Variants in KRABD4 observed in about 807,000 individuals in gnomAD.
KRABD4 encodes the protein KRAB domain-containing protein 4.
the KRABD4 span, chrX:46,463,128 C>T: frequency 9.1e-7 from 1 of 1,095,450 alleles, no homozygotes; most frequent in Non-Finnish European, 1.3e-6. Flanking sequence ...CTTCAGCCTG[C>T]AGGGGTGGGC....
chrX:46,472,736 T>C, the KRABD4 span: 1 of 1,202,718 alleles, frequency 8.3e-7, no homozygotes, highest in Non-Finnish European at 1.1e-6. Flanking sequence ...GATGATTCAT[T>C]CATTTTCTTC....
the KRABD4 span, among the ~76,000 whole-genome samples, chrX:46,462,024 A>G: frequency 2.6e-4 from 29 of 111,872 alleles, no homozygotes; most frequent in African/African-American, 9.1e-4. Context: ...TTTTGTATCA[A>G]TCTTTACTTC....
the KRABD4 span, chrX:46,455,297 A>G: frequency 1.4e-6 from 1 of 706,855 alleles, no homozygotes; most frequent in Non-Finnish European, 2.2e-6. Context: ...TGAGACAAGT[A>G]ATAAAAATCA....
At chrX:46,464,468 G>C in the KRABD4 span, among the ~76,000 whole-genome samples, 1 of 112,147 alleles carries the variant, frequency 8.9e-6, no homozygotes, top group Non-Finnish European at 1.9e-5. Context: ...CTGTAGTCAG[G>C]TGCTGGCCCC....
the KRABD4 span, chrX:46,472,436 G>A: frequency 4.2e-6 from 1 of 236,855 alleles, no homozygotes. Flanking sequence ...TCCCCCAACT[G>A]CAAAGCCACA....
chrX:46,472,933 A>G, the KRABD4 span: 4 of 1,211,789 alleles, frequency 3.3e-6, no homozygotes, highest in Non-Finnish European at 4.5e-6. Flanking sequence ...CTCCCTAAAT[A>G]TTATTCGTGG....
chrX:46,463,501 A>G, the KRABD4 span: 1 of 484,127 alleles, frequency 2.1e-6, no homozygotes, highest in Non-Finnish European at 3.7e-6. Context: ...TTTGGCATTC[A>G]CATAGATTGT....
At chrX:46,450,559 A>G in the KRABD4 span, 19 of 859,344 alleles carry the variant, frequency 2.2e-5, no homozygotes, top group Admixed American at 4.6e-5. Flanking sequence ...GAAAATACCA[A>G]TTATCCCCTC....
chrX:46,457,625 T>TTTG, the KRABD4 span, among the ~76,000 whole-genome samples: 2 of 102,144 alleles, frequency 2.0e-5, no homozygotes, highest in African/African-American at 7.3e-5. Context: ...CTTTCAGAGT[T>TTTG]TTTTTTTTTT....
the KRABD4 span, among the ~76,000 whole-genome samples, chrX:46,457,623 G>A: frequency 1.3e-5 from 1 of 75,294 alleles, no homozygotes; most frequent in South Asian, 6.7e-4. Flanking sequence ...GCCTTTCAGA[G>A]TTTTTTTTTT....
the KRABD4 span, among the ~76,000 whole-genome samples, chrX:46,458,903 ATAGT>A: frequency 8.9e-6 from 1 of 111,818 alleles, no homozygotes; most frequent in Non-Finnish European, 1.9e-5. Context: ...GGACTATAGA[ATAGT>A]TAAATAAATT....
At chrX:46,451,595 A>G in the KRABD4 span, among the ~76,000 whole-genome samples, 1 of 111,548 alleles carries the variant, frequency 9.0e-6, no homozygotes, top group Non-Finnish European at 1.9e-5. Flanking sequence ...TATACCTGGA[A>G]GTCGGGTTTT....
chrX:46,453,945 A>G, the KRABD4 span, among the ~76,000 whole-genome samples: 3 of 112,313 alleles, frequency 2.7e-5, no homozygotes, highest in Admixed American at 2.8e-4. Context: ...GGGAACTACT[A>G]ATTTCAGATC....
chrX:46,472,860 G>T, the KRABD4 span: 8 of 1,210,096 alleles, frequency 6.6e-6, no homozygotes, highest in African/African-American at 1.7e-5. Context: ...AAGCGGTCAA[G>T]AATCCAGAAC....
the KRABD4 span, among the ~76,000 whole-genome samples, chrX:46,457,953 T>C: frequency 9.0e-6 from 1 of 110,815 alleles, no homozygotes; most frequent in Admixed American, 9.7e-5. Flanking sequence ...TGTTGGCCAG[T>C]CTGGTGTCAA....
the KRABD4 span, chrX:46,456,845 A>G: frequency 4.1e-5 from 18 of 441,206 alleles, 1 homozygote; most frequent in African/African-American, 4.7e-4. Context: ...GCAGGATGGT[A>G]TGTAATGAGT....
At chrX:46,462,889 C>T in the KRABD4 span, 1 of 1,211,475 alleles carries the variant, frequency 8.3e-7, no homozygotes, top group East Asian at 3.0e-5. Context: ...GGGACCGTGC[C>T]ACAGGGTGAT....
At chrX:46,471,146 A>G in the KRABD4 span, 2 of 1,163,732 alleles carry the variant, frequency 1.7e-6, no homozygotes, top group Non-Finnish European at 2.3e-6. Flanking sequence ...TTTCAGATGT[A>G]TCCATTTTTG....
the KRABD4 span, chrX:46,471,269 A>C: frequency 1.0e-6 from 1 of 986,735 alleles, no homozygotes. Context: ...GTGCCAGAAA[A>C]TCCTTCTTGT....
Sources: gnomAD v4.1 joint callset for allele counts (sites outside exome capture counted in the v4.1 genomes callset) on GRCh38, gnomAD v4.1.1 for gene constraint, MANE v1.5 for transcripts, NCBI Gene and HGNC (gene_info 2026-07-23, HGNC 2026-07-21) for gene names.